Variants in PPP1R13B observed in about 807,000 individuals in gnomAD.
PPP1R13B encodes protein phosphatase 1 regulatory subunit 13B, also known as apoptosis-stimulating of p53 protein 1.
Under a neutral mutation model 119.8 loss-of-function variants are expected in PPP1R13B, and 44 were observed. The observed-to-expected ratio is 0.37, with a 90% CI of 0.29 to 0.47. PPP1R13B has a LOEUF of 0.47. PPP1R13B is among the 20% of genes least tolerant of loss of function. The pLI, the probability that PPP1R13B is intolerant of heterozygous loss-of-function variation, is 0.99. For synonymous variants in PPP1R13B, 542 were observed against 561.5 expected (o/e 0.97, Z 0.49); for missense variants, 1,227 against 1,413.5 (o/e 0.87, Z 2.12).
chr14:103,742,168 T>C lies in PPP1R13B; in HGVS notation c.1444A>G (p.Arg482Gly), dbSNP rs1171563277. The change falls in exon 11 of 17, where the codon AGG becomes GGG. Residue 482 changes from arginine (R) to glycine (G), a missense_variant. Coordinates refer to ENST00000202556, the MANE Select transcript of PPP1R13B (RefSeq NM_015316.3). The surrounding 1 kb of genome is among the most constrained non-coding windows in gnomAD (Gnocchi z 4.9). ...GGCCTGGGCAAGCTGCCTTCCTTCC[T>C]CCTTTCCAGGGAGCTTGTCGACCCA... is the stretch of plus-strand genomic sequence containing the variant. ...GPGSTSSLER[R>G]KEGSLPRPSA... 6.8e-6 allele frequency: 11 copies of C among 1,609,240 alleles called. No homozygotes were observed. Among genetic ancestry groups the C allele is most frequent in the Non-Finnish European group, 9.3e-6 (11 of 1,179,990 alleles).
At chr14:103,790,666 G>A (rs1176938728) in intron 2 of PPP1R13B, among the ~76,000 whole-genome samples, 1 of 152,056 alleles carries the variant, frequency 6.6e-6, no homozygotes, top group Non-Finnish European at 1.5e-5. Context: ...AGCCAAGATG[G>A]TACCACTGCA....
rs774417702 is a variant in PPP1R13B at position 103,741,988 on chromosome 14, C to A, written c.1624G>T (p.Asp542Tyr). ...GTCAGTGGGAGTTCAGGCTTGCTGT[C>A]CCCAGCTGGAAATGCAGGTGGTCCC... ...PAGPPAFPAG[D>Y]SKPELPLTVA... Residue 542 changes from aspartate (D) to tyrosine (Y), a missense_variant, in exon 11 of 17, where the codon GAC becomes TAC. Physicochemically the swap from Asp to Tyr is radical, Grantham distance 160. Transcript: ENST00000202556. 16 of 1,614,264 alleles carry A rather than the reference C, an allele frequency of 9.9e-6. No individual in the cohort carries two copies. Among genetic ancestry groups the A allele is most frequent in the Non-Finnish European group, 1.4e-5 (16 of 1,180,052 alleles).
chr14:103,841,360 G>A (rs1002515071), intron 1 of PPP1R13B, among the ~76,000 whole-genome samples: 6 of 151,966 alleles, frequency 3.9e-5, no homozygotes, highest in Admixed American at 2.0e-4. Context: ...GGCCGAGGCG[G>A]GCAGATCACT....
At chr14:103,793,029 G>A (rs888373115) in intron 2 of PPP1R13B, among the ~76,000 whole-genome samples, 1 of 148,716 alleles carries the variant, frequency 6.7e-6, no homozygotes, top group Non-Finnish European at 1.5e-5. Flanking sequence ...CTGAGAATGC[G>A]CCACTGCACT....
At chr14:103,758,958 CTTT>C (rs10712106) in intron 4 of PPP1R13B, among the ~76,000 whole-genome samples, 1 of 144,834 alleles carries the variant, frequency 6.9e-6, no homozygotes, top group Admixed American at 6.9e-5. Context: ...ATTTAACAGT[CTTT>C]TTTTTTTTTT....
At chr14:103,816,669 CAAA>C (rs34539149) in intron 1 of PPP1R13B, among the ~76,000 whole-genome samples, 9 of 105,152 alleles carry the variant, frequency 8.6e-5, no homozygotes, top group Non-Finnish European at 1.1e-4. Flanking sequence ...AACTCAGTCT[CAAA>C]AAAAAAAAAA....
At chr14:103,783,250 GGTTTT>G (rs761267831) in intron 3 of PPP1R13B, among the ~76,000 whole-genome samples, 2 of 151,322 alleles carry the variant, frequency 1.3e-5, no homozygotes, top group Non-Finnish European at 2.9e-5. Flanking sequence ...AGTTATTTTT[GGTTTT>G]GTTTTATTTA....
chr14:103,788,499 G>C (rs1006337988), intron 2 of PPP1R13B, among the ~76,000 whole-genome samples: 4 of 152,168 alleles, frequency 2.6e-5, no homozygotes, highest in East Asian at 1.9e-4. Context: ...TACTTAAGCA[G>C]AAGTCCATGA....
intron 8 of PPP1R13B, chr14:103,746,948 G>A (rs117852820): frequency 0.042 from 6,656 of 156,848 alleles, 190 homozygotes; most frequent in South Asian, 0.063. Flanking sequence ...GTGCTGCTTC[G>A]GGCAGGTGAC....
intron 3 of PPP1R13B, among the ~76,000 whole-genome samples, 193 bp downstream of exon 3, chr14:103,784,583 CAAAAAAAAAAAAAAAAAAA>C (rs546875688): frequency 1.7e-5 from 1 of 60,584 alleles, no homozygotes; most frequent in Non-Finnish European, 2.9e-5. Context: ...ACTCTGTCTC[CAAAAAAAAAAAAAAAAAAA>C]AAAAAAAAAA....
chr14:103,847,520 C>CCGT lies in PPP1R13B; in HGVS notation c.-214_-213insACG. 1 of 983,546 alleles carries CCGT rather than the reference C, an allele frequency of 1.0e-6. No homozygotes were observed. Among genetic ancestry groups the CCGT allele is most frequent in the Non-Finnish European group, 1.2e-6 (1 of 829,946 alleles). 60.9% of individuals were successfully genotyped at this position (983,546 alleles called of 1,614,324 possible). A position where few individuals can be genotyped will look rare whatever the true frequency, so the allele number is the denominator to read the frequency against. On this transcript the variant is annotated 5_prime_UTR_variant, in exon 1 of 17. Transcript: ENST00000202556. ...CTGCGTCGCTGTCCCGGGCACCCGG[C>CCGT]CGCCGCCGCCGCCGCCTCAACCTCA...
intron 1 of PPP1R13B, among the ~76,000 whole-genome samples, chr14:103,798,269 A>C (rs191909550): frequency 2.0e-5 from 3 of 148,574 alleles, no homozygotes; most frequent in Non-Finnish European, 4.4e-5. Flanking sequence ...CTCTTGCCTC[A>C]GCCTCCAGAG....
At chr14:103,752,838 C>G (rs2084585009) in intron 7 of PPP1R13B, among the ~76,000 whole-genome samples, 162 bp downstream of exon 7, 1 of 152,164 alleles carries the variant, frequency 6.6e-6, no homozygotes. Flanking sequence ...CGGCCTATCC[C>G]AAGTCATTTA....
At chr14:103,794,245 T>C (rs975546763) in intron 2 of PPP1R13B, among the ~76,000 whole-genome samples, 2 of 152,096 alleles carry the variant, frequency 1.3e-5, no homozygotes, top group African/African-American at 4.8e-5. Flanking sequence ...TGGAAAGCAC[T>C]GATAATTACT....
rs1415123686 is a variant in PPP1R13B at position 103,748,076 on chromosome 14, C to T, written c.970-1523G>A. Among the ~76,000 whole-genome samples the T allele has an allele frequency of 3.6e-5, 3 of 83,480 alleles. No individual in the cohort carries two copies. In the Admixed American group the frequency reaches 4.4e-4, roughly 12 times the overall value. 54.8% of individuals were successfully genotyped at this position (83,480 alleles called of 152,430 possible). ...ATTCCTTAAATCACATACACACACACACACACACACACACACACACACACA... is the reference window on the plus strand; with the variant it reads ...ATTCCTTAAATCACATACACACACATACACACACACACACACACACACACA... On this transcript the variant is annotated intron_variant, in intron 8 of 16. Transcript: ENST00000202556.
At chr14:103,823,717 C>T (rs1361034720) in intron 1 of PPP1R13B, among the ~76,000 whole-genome samples, 1 of 152,188 alleles carries the variant, frequency 6.6e-6, no homozygotes, top group Non-Finnish European at 1.5e-5. Flanking sequence ...TTGACATTTA[C>T]TATATGCTGG....
chr14:103,765,287 T>A (rs2084913329), intron 4 of PPP1R13B, among the ~76,000 whole-genome samples: 1 of 152,190 alleles, frequency 6.6e-6, no homozygotes, highest in South Asian at 2.1e-4. Flanking sequence ...AAAAAATATA[T>A]ATTATTTGGA....
In PPP1R13B at chr14:103,739,973, C is replaced by G. The variant is rs765773923; in HGVS notation, c.2443G>C (p.Glu815Gln). 1 of 1,614,052 alleles carries G rather than the reference C, an allele frequency of 6.2e-7. No homozygotes were observed. Among genetic ancestry groups the G allele is most frequent in the East Asian group, 2.2e-5 (1 of 44,876 alleles). The change falls in exon 12 of 17, where the codon GAG becomes CAG. Residue 815 changes from glutamate to glutamine, a missense_variant. Coordinates refer to ENST00000202556, the MANE Select transcript of PPP1R13B (RefSeq NM_015316.3). ...ICPQTTHQTA[E>Q]PAEDNNNNVA... ...TTGTTGTTATTGTCCTCTGCCGGCTCGGCAGTTTGGTGGGTGGTTTGGGGA... is the reference window on the plus strand; with the variant it reads ...TTGTTGTTATTGTCCTCTGCCGGCTGGGCAGTTTGGTGGGTGGTTTGGGGA...
intron 2 of PPP1R13B, among the ~76,000 whole-genome samples, chr14:103,789,406 G>A (rs1011790725): frequency 6.6e-6 from 1 of 151,624 alleles, no homozygotes; most frequent in South Asian, 2.1e-4. Flanking sequence ...AGTAGAGATG[G>A]GGTTTCACCA....
Sources: gnomAD v4.1 joint callset for allele counts (sites outside exome capture counted in the v4.1 genomes callset) on GRCh38, gnomAD v4.1.1 for gene constraint, Gnocchi (gnomAD v3.1) non-coding constraint, MANE v1.5 for transcripts, NCBI Gene and HGNC (gene_info 2026-07-23, HGNC 2026-07-21) for gene names.